The following UCHL5 variants were observed in gnomAD, a reference collection of about 807,000 sequenced individuals.
UCHL5 encodes the protein ubiquitin carboxyl-terminal hydrolase isozyme L5.
UCHL5 carries 34 observed loss-of-function variants against 53.8 expected under a neutral mutation model. The ratio of observed to expected loss-of-function variants is 0.63; its 90% CI spans 0.48 to 0.84. The LOEUF (loss-of-function observed/expected upper bound fraction) is 0.84. UCHL5 is among the 40% of genes least tolerant of loss of function. UCHL5 has a pLI of 0.00. For missense variants in UCHL5, 290 were observed against 385.6 expected, an observed-to-expected ratio of 0.75 and a Z score of 2.08; for synonymous variants, 111 against 126.3, an observed-to-expected ratio of 0.88 and a Z score of 0.81.
intron 3 of UCHL5, among the ~76,000 whole-genome samples, chr1:193,041,520 T>C (rs1053828105): frequency 6.6e-6 from 1 of 152,180 alleles, no homozygotes; most frequent in Admixed American, 6.5e-5. Context: ...TCCTACACAT[T>C]GCTAGTGGAA....
At chr1:193,027,577 C>T (rs538879894) in intron 7 of UCHL5, among the ~76,000 whole-genome samples, 92 of 152,032 alleles carry the variant, frequency 6.1e-4, no homozygotes, top group Non-Finnish European at 8.2e-4. Context: ...CCCAGCTACT[C>T]GGGAAGCTGA....
chr1:193,036,206 T>C (rs1663321909), intron 3 of UCHL5, among the ~76,000 whole-genome samples: 1 of 142,810 alleles, frequency 7.0e-6, no homozygotes, highest in Admixed American at 7.5e-5. Flanking sequence ...TCTGAGTTCA[T>C]AAAGATATAA....
chr1:193,028,868 A>G (rs922983734), intron 6 of UCHL5, among the ~76,000 whole-genome samples: 2 of 152,194 alleles, frequency 1.3e-5, no homozygotes, highest in Non-Finnish European at 2.9e-5. Context: ...AAAAATGACA[A>G]GAGTAACTAT....
At chr1:193,031,552 T>G (rs939968215) in intron 3 of UCHL5, among the ~76,000 whole-genome samples, 1 of 152,170 alleles carries the variant, frequency 6.6e-6, no homozygotes, top group Non-Finnish European at 1.5e-5. Context: ...TACATGGGTA[T>G]GAGAATATTG....
intron 3 of UCHL5, 80 bp downstream of exon 3, chr1:193,049,665 AG>A: frequency 9.2e-7 from 1 of 1,084,792 alleles, no homozygotes; most frequent in Non-Finnish European, 1.3e-6. Context: ...CTACTACACT[AG>A]TAGCAAACAG....
In UCHL5 at chr1:193,029,385, T is replaced by C. The variant is rs905835595; in HGVS notation, c.434+3A>G. The C allele has an allele frequency of 1.9e-6, 3 of 1,613,636 alleles. No homozygotes were observed. The highest frequency in any genetic ancestry group is 2.5e-6 in the Non-Finnish European group (3 of 1,179,860). On this transcript the variant is annotated splice_donor_region_variant and intron_variant, in intron 5 of 10. Coordinates refer to ENST00000367454, the MANE Select transcript of UCHL5 (RefSeq NM_001199261.3). ...GTATTTATTTAACATAAAGTCTCTT[T>C]ACCTGGCGAAACTGTTGTGTACTTG...
chr1:193,058,406 T>C (rs1424227201), intron 1 of UCHL5, among the ~76,000 whole-genome samples: 1 of 152,286 alleles, frequency 6.6e-6, no homozygotes, highest in Non-Finnish European at 1.5e-5. Flanking sequence ...CAATAACACT[T>C]GGGAAATAGA....
chr1:193,038,733 C>T (rs1664509907), intron 3 of UCHL5, among the ~76,000 whole-genome samples: 1 of 152,176 alleles, frequency 6.6e-6, no homozygotes, highest in South Asian at 2.1e-4. Context: ...CAGTAGCTCA[C>T]ACCTGTAATC....
rs143110880 is a variant in UCHL5 at position 193,047,807 on chromosome 1, T to C, written c.246+1939A>G. Among the ~76,000 whole-genome samples, 61 of 152,304 alleles carry C rather than the reference T, an allele frequency of 4.0e-4. No homozygotes were observed. The East Asian group carries it at 0.012, about 29-fold the overall frequency. Reference sequence around the variant, plus strand: ...TCCTCTTCTTTTCCATCTGCACTGTTGGCACAAAAGCAACAGTGTGTAAAA... The same window carrying C: ...TCCTCTTCTTTTCCATCTGCACTGTCGGCACAAAAGCAACAGTGTGTAAAA... On this transcript the variant is annotated intron_variant, in intron 3 of 10. Transcript: ENST00000367454.
chr1:193,039,498 A>AAG (rs1438288566), intron 3 of UCHL5, among the ~76,000 whole-genome samples: 1 of 152,228 alleles, frequency 6.6e-6, no homozygotes. Context: ...AGCACTGATG[A>AAG]AGAGTTCACC....
At chr1:193,029,498 T>C (rs1230617094) in intron 4 of UCHL5, 34 bp downstream of exon 4, 2 of 1,612,676 alleles carry the variant, frequency 1.2e-6, no homozygotes, top group Non-Finnish European at 1.7e-6. Flanking sequence ...CTTTCACAAA[T>C]ATGACATTTT....
Position 193,031,180 on chromosome 1 carries a change from G to C in UCHL5, c.247-1523C>G, listed in dbSNP as rs80147646. Among the ~76,000 whole-genome samples, 25 of 152,250 alleles carry C rather than the reference G, an allele frequency of 1.6e-4. No homozygotes were observed. The East Asian group carries it at 4.8e-3, about 29-fold the overall frequency. ...GTTGACTAAAACACTGTAACACTTA[G>C]TACTCCCTTATCTTAGGTCTAAATT... On this transcript the variant is annotated intron_variant, in intron 3 of 10. Coordinates refer to ENST00000367454, the MANE Select transcript of UCHL5 (RefSeq NM_001199261.3).
At chr1:193,035,219 C>A (rs890416989) in intron 3 of UCHL5, among the ~76,000 whole-genome samples, 6 of 151,784 alleles carry the variant, frequency 4.0e-5, no homozygotes, top group African/African-American at 1.5e-4. Context: ...TGAAAGTGAA[C>A]TGCCTGTCTT....
chr1:193,021,229 T>C (rs1656892884), intron 9 of UCHL5, 34 bp from the exon 10 acceptor site: 1 of 1,355,622 alleles, frequency 7.4e-7, no homozygotes, highest in Admixed American at 1.7e-5. Context: ...ACTAACTACA[T>C]TTCTGCTAAT....
At chr1:193,040,781 G>A (rs1357769898) in intron 3 of UCHL5, among the ~76,000 whole-genome samples, 1 of 152,100 alleles carries the variant, frequency 6.6e-6, no homozygotes, top group African/African-American at 2.4e-5. Flanking sequence ...AGAAAATGTA[G>A]TATATACATA....
intron 7 of UCHL5, among the ~76,000 whole-genome samples, chr1:193,026,678 G>C (rs113833955): frequency 2.7e-5 from 4 of 150,360 alleles, no homozygotes; most frequent in African/African-American, 9.8e-5. Flanking sequence ...CTCTGGAAAA[G>C]AGTTTGGTAG....
At chr1:193,059,905 T>C (rs915200802), upstream of UCHL5, 3 of 1,365,876 alleles carry the variant, frequency 2.2e-6, no homozygotes, top group Non-Finnish European at 2.9e-6. This position sits in a 1 kb window ranked among gnomAD's most constrained non-coding sequence, Gnocchi z 4.9. Context: ...CGCGAAACTA[T>C]CGCTCTTCCC....
intron 3 of UCHL5, among the ~76,000 whole-genome samples, chr1:193,040,846 T>C (rs1026313459): frequency 6.6e-6 from 1 of 152,106 alleles, no homozygotes; most frequent in African/African-American, 2.4e-5. Flanking sequence ...TTTGGAGCAA[T>C]ATGGAAATGG....
chr1:193,055,460 A>G (rs1485584574), intron 1 of UCHL5, among the ~76,000 whole-genome samples: 2 of 152,206 alleles, frequency 1.3e-5, no homozygotes, highest in African/African-American at 4.8e-5. Context: ...CAATGTGAAA[A>G]TGAATCTCCT....
Sources: allele counts gnomAD v4.1 joint callset (sites outside exome capture counted in the v4.1 genomes callset), GRCh38; gene constraint gnomAD v4.1.1; non-coding constraint Gnocchi (gnomAD v3.1); transcripts MANE v1.5; gene names NCBI Gene and HGNC (gene_info 2026-07-23, HGNC 2026-07-21).